Variants in MORC1 observed in about 807,000 individuals in gnomAD.
MORC1 encodes MORC family CW-type zinc finger protein 1.
Under a neutral mutation model 134.9 loss-of-function variants are expected in MORC1, and 59 were observed. That is an observed-to-expected ratio of 0.44 (90% CI 0.35 to 0.54). The LOEUF is 0.54. MORC1 is among the 20% of genes least tolerant of loss of function. The pLI, the probability that MORC1 is intolerant of heterozygous loss-of-function variation, is 0.00. For missense variants in MORC1, 947 were observed against 1,134.5 expected (o/e 0.83, Z 2.37); for synonymous variants, 395 against 391.7 (o/e 1.01, Z -0.10).
intron 27 of MORC1, among the ~76,000 whole-genome samples, chr3:108,962,417 T>C (rs1947104995): frequency 6.6e-6 from 1 of 152,164 alleles, no homozygotes; most frequent in Admixed American, 6.6e-5. Flanking sequence ...CCAGGCAGCC[T>C]GGCTTCAAGG....
At position 108,960,974 on chromosome 3, in the gene MORC1, G is replaced by A. The variant is rs926840941; in HGVS notation, c.2800-1854C>T. On this transcript the variant is annotated intron_variant, in intron 27 of 27. Transcript: ENST00000232603. ...TCTTGACCTTGATGGAGATTATGTTGAGAAATAAAGTTTACATTTTGACTT... is the reference window on the plus strand; with the variant it reads ...TCTTGACCTTGATGGAGATTATGTTAAGAAATAAAGTTTACATTTTGACTT... Among the ~76,000 whole-genome samples, 3 of 152,164 alleles carry A rather than the reference G, an allele frequency of 2.0e-5. No homozygotes were observed. In the South Asian group the frequency reaches 6.2e-4, roughly 32 times the overall value.
At chr3:109,016,489 C>T (rs555484150) in intron 17 of MORC1, among the ~76,000 whole-genome samples, 1 of 152,280 alleles carries the variant, frequency 6.6e-6, no homozygotes, top group African/African-American at 2.4e-5. Flanking sequence ...GAAAAAATGT[C>T]CCTCTTCCTG....
At chr3:109,017,685 A>G (rs898110979) in intron 17 of MORC1, among the ~76,000 whole-genome samples, 3 of 152,208 alleles carry the variant, frequency 2.0e-5, no homozygotes, top group Non-Finnish European at 4.4e-5. Flanking sequence ...AGAAATCTGA[A>G]TAACACAGTT....
intron 14 of MORC1, among the ~76,000 whole-genome samples, chr3:109,038,203 G>A (rs181477897): frequency 8.3e-4 from 126 of 152,136 alleles, no homozygotes; most frequent in African/African-American, 2.9e-3. Flanking sequence ...GTGATGATGA[G>A]CATTTTTTCA....
intron 3 of MORC1, among the ~76,000 whole-genome samples, chr3:109,106,091 A>C (rs1018908817): frequency 6.6e-6 from 1 of 152,226 alleles, no homozygotes; most frequent in Non-Finnish European, 1.5e-5. Flanking sequence ...ATTGAAATCA[A>C]CTAGAGATAT....
intron 12 of MORC1, among the ~76,000 whole-genome samples, chr3:109,058,803 G>T (rs1489772452): frequency 7.2e-6 from 1 of 139,024 alleles, no homozygotes; most frequent in Non-Finnish European, 1.6e-5. Context: ...CAATATTAAA[G>T]GATATACTGA....
At chr3:108,961,061 C>A (rs1029294428) in intron 27 of MORC1, among the ~76,000 whole-genome samples, 2 of 152,188 alleles carry the variant, frequency 1.3e-5, no homozygotes, top group East Asian at 3.8e-4. Context: ...TCTTGGCTGA[C>A]TGATCTAAAT....
chr3:108,997,442 C>T (rs1948264655), intron 21 of MORC1, among the ~76,000 whole-genome samples: 1 of 151,774 alleles, frequency 6.6e-6, no homozygotes, highest in Non-Finnish European at 1.5e-5. Context: ...GCAAGAGAAT[C>T]GCTTACAGTG....
chr3:109,052,280 T>G (rs1949847988), intron 14 of MORC1, among the ~76,000 whole-genome samples: 1 of 151,994 alleles, frequency 6.6e-6, no homozygotes, highest in Non-Finnish European at 1.5e-5. Flanking sequence ...GAAAAAAAAA[T>G]ACATGTGGAA....
In MORC1 at chr3:109,103,831, T is replaced by C. The variant is rs746211666; in HGVS notation, c.223+18A>G. 1.3e-6 allele frequency: 2 copies of C among 1,598,746 alleles called. No homozygotes were observed. Among genetic ancestry groups the C allele is most frequent in the Admixed American group, 1.7e-5 (1 of 59,972 alleles). On this transcript the variant is annotated intron_variant, in intron 4 of 27. Coordinates refer to ENST00000232603, the MANE Select transcript of MORC1 (RefSeq NM_014429.4). ...GTTTCCTTTAACAGCCAGTTAGGTATCTAGATAATTAACTTACCAGGGCTC... is the reference window on the plus strand; with the variant it reads ...GTTTCCTTTAACAGCCAGTTAGGTACCTAGATAATTAACTTACCAGGGCTC...
Position 109,005,032 on chromosome 3 carries a change from G to A in MORC1, c.2013+38C>T, listed in dbSNP as rs752457235. 10 of 1,586,762 alleles carry A rather than the reference G, an allele frequency of 6.3e-6. No individual in the cohort carries two copies. In the East Asian group the frequency reaches 1.3e-4, roughly 21 times the overall value. On this transcript the variant is annotated intron_variant, in intron 19 of 27. Coordinates refer to ENST00000232603, the MANE Select transcript of MORC1 (RefSeq NM_014429.4). ...CTTGACTGAATGCTATTTCCAGAAT[G>A]AGTGAATTGTTTTGTGAATAAGAAA...
intron 7 of MORC1, 41 bp downstream of exon 7, chr3:109,094,863 GAAAAC>G (rs1950799551): frequency 6.6e-7 from 1 of 1,504,296 alleles, no homozygotes; most frequent in African/African-American, 1.4e-5. Flanking sequence ...ATAAGACACT[GAAAAC>G]AAATACTTCC....
At chr3:109,084,661 T>C (rs1206267617) in intron 8 of MORC1, among the ~76,000 whole-genome samples, 1 of 152,026 alleles carries the variant, frequency 6.6e-6, no homozygotes, top group Non-Finnish European at 1.5e-5. Flanking sequence ...CTAAAATTTA[T>C]ATGGAACCAC....
intron 27 of MORC1, among the ~76,000 whole-genome samples, chr3:108,962,416 C>CA (rs1192022184): frequency 1.3e-5 from 2 of 152,180 alleles, no homozygotes; most frequent in African/African-American, 2.4e-5. Flanking sequence ...CCCAGGCAGC[C>CA]TGGCTTCAAG....
intron 14 of MORC1, among the ~76,000 whole-genome samples, chr3:109,040,485 A>AAAGAAAGAAAAGAAAGAAAGG: frequency 8.7e-6 from 1 of 114,604 alleles, no homozygotes; most frequent in East Asian, 2.9e-4. Flanking sequence ...AGAAAGAAAG[A>AAAGAAAGAAAAGAAAGAAAGG]AAGGAAAGAA....
chr3:109,076,502 A>G (rs1406542886), intron 8 of MORC1, among the ~76,000 whole-genome samples: 3 of 152,234 alleles, frequency 2.0e-5, no homozygotes, highest in Non-Finnish European at 4.4e-5. Context: ...ATTATAAATT[A>G]TACTACTATA....
chr3:109,079,118 A>G (rs184304786), intron 8 of MORC1, among the ~76,000 whole-genome samples: 2 of 152,186 alleles, frequency 1.3e-5, no homozygotes, highest in African/African-American at 4.8e-5. Flanking sequence ...AACTCATTCT[A>G]TGAGGCTACC....
At chr3:109,079,059 C>A (rs1950475685) in intron 8 of MORC1, among the ~76,000 whole-genome samples, 1 of 151,998 alleles carries the variant, frequency 6.6e-6, no homozygotes, top group East Asian at 1.9e-4. Flanking sequence ...ACAAAAGACT[C>A]ACTTTACGTA....
chr3:109,065,654 G>A (rs541001803), intron 9 of MORC1, among the ~76,000 whole-genome samples: 4 of 152,222 alleles, frequency 2.6e-5, no homozygotes, highest in Admixed American at 2.0e-4. Context: ...AAATACTCAG[G>A]TGGACCTATG....
Sources: gnomAD v4.1 joint callset for allele counts (sites outside exome capture counted in the v4.1 genomes callset) on GRCh38, gnomAD v4.1.1 for gene constraint, MANE v1.5 for transcripts, NCBI Gene and HGNC (gene_info 2026-07-23, HGNC 2026-07-21) for gene names.